Variants in LRBA observed in about 807,000 individuals in gnomAD.
The protein encoded by LRBA is LPS responsive beige-like anchor protein, also known as lipopolysaccharide-responsive and beige-like anchor protein.
In LRBA, 176 loss-of-function variants were observed where a neutral mutation model predicts 330.0. That is an observed-to-expected ratio of 0.53 (90% confidence interval 0.47 to 0.60). LRBA has a LOEUF of 0.60. LRBA is among the 20% of genes least tolerant of loss of function. The pLI is 0.00. For synonymous variants in LRBA, 1,230 were observed against 1,193.0 expected (o/e 1.03, Z -0.64); for missense variants, 3,259 against 3,444.8 (o/e 0.95, Z 1.35).
At chr4:150,448,250 CAA>C in intron 44 of LRBA, among the ~76,000 whole-genome samples, 1 of 152,184 alleles carries the variant, frequency 6.6e-6, no homozygotes, top group Admixed American at 6.5e-5. Flanking sequence ...AAAGTCGTGG[CAA>C]TTTCGGTACC....
chr4:150,881,641 C>A (rs1002681246), intron 17 of LRBA, among the ~76,000 whole-genome samples: 1 of 152,118 alleles, frequency 6.6e-6, no homozygotes, highest in Non-Finnish European at 1.5e-5. Context: ...TGTAACAAAC[C>A]TGCACATGTA....
At chr4:150,557,087 G>A (rs1320437687) in intron 40 of LRBA, among the ~76,000 whole-genome samples, 1 of 152,208 alleles carries the variant, frequency 6.6e-6, no homozygotes, top group East Asian at 1.9e-4. Flanking sequence ...CTGCAGAAGG[G>A]AAGCTACAAG....
intron 44 of LRBA, among the ~76,000 whole-genome samples, chr4:150,457,351 C>T (rs541062759): frequency 5.3e-5 from 8 of 152,034 alleles, no homozygotes; most frequent in Non-Finnish European, 8.8e-5. Flanking sequence ...CAATTTAACT[C>T]ACTTTTGTTT....
rs191790217 is a variant in LRBA at position 150,648,584 on chromosome 4, A to G, written c.5921+34967T>C. Among the ~76,000 whole-genome samples the G allele has an allele frequency of 2.8e-3, 421 of 151,248 alleles. 2 individuals carry two copies. Among genetic ancestry groups the G allele is most frequent in the African/African-American group, 7.1e-3 (293 of 41,350 alleles). On this transcript the variant is annotated intron_variant, in intron 37 of 56. Transcript: ENST00000651943. Reference sequence around the variant, plus strand: ...ACCCCACATTTCTAAATTACCCCAGAAAGGATAGAGTACTGCCTCTGATTG... The same window carrying G: ...ACCCCACATTTCTAAATTACCCCAGGAAGGATAGAGTACTGCCTCTGATTG...
At chr4:150,816,077 T>C (rs1462257601) in intron 31 of LRBA, among the ~76,000 whole-genome samples, 1 of 151,960 alleles carries the variant, frequency 6.6e-6, no homozygotes, top group East Asian at 1.9e-4. Context: ...AATTCCCAGC[T>C]ACTGGCCAGT....
chr4:150,607,575 T>G (rs1390389209), intron 37 of LRBA, among the ~76,000 whole-genome samples: 1 of 151,242 alleles, frequency 6.6e-6, no homozygotes, highest in Non-Finnish European at 1.5e-5. Flanking sequence ...AACACTGGAA[T>G]TGAAAGAGAA....
chr4:150,813,794 T>C (rs191419667), intron 31 of LRBA, among the ~76,000 whole-genome samples: 28 of 152,262 alleles, frequency 1.8e-4, no homozygotes, highest in Admixed American at 1.8e-3. Context: ...AGAAACTTCA[T>C]ATTTTCTATC....
At chr4:150,650,711 T>A (rs1292598655) in intron 37 of LRBA, among the ~76,000 whole-genome samples, 1 of 152,104 alleles carries the variant, frequency 6.6e-6, no homozygotes, top group African/African-American at 2.4e-5. Flanking sequence ...AAAATAAAAT[T>A]TATGTTGGTA....
chr4:150,889,699 G>T (rs1729282113), intron 17 of LRBA, among the ~76,000 whole-genome samples: 2 of 152,154 alleles, frequency 1.3e-5, no homozygotes, highest in South Asian at 4.1e-4. Flanking sequence ...TGGAAAAACT[G>T]TCTTCCACAA....
intron 28 of LRBA, among the ~76,000 whole-genome samples, 172 bp from the exon 29 acceptor site, chr4:150,832,148 G>A (rs935374978): frequency 5.3e-5 from 8 of 152,016 alleles, no homozygotes; most frequent in Non-Finnish European, 8.8e-5. Context: ...GCAAACATTA[G>A]GCAAAGACTC....
At chr4:150,665,201 A>T (rs1781460683) in intron 37 of LRBA, among the ~76,000 whole-genome samples, 1 of 152,166 alleles carries the variant, frequency 6.6e-6, no homozygotes, top group Admixed American at 6.5e-5. Flanking sequence ...CCTTATTTAG[A>T]GACTCAGCTC....
chr4:150,614,516 A>G (rs185640357), intron 37 of LRBA, among the ~76,000 whole-genome samples: 6 of 152,344 alleles, frequency 3.9e-5, no homozygotes, highest in Admixed American at 3.3e-4. Context: ...AAAATTGTCT[A>G]TGATACAAGG....
intron 40 of LRBA, among the ~76,000 whole-genome samples, chr4:150,557,996 C>A (rs902967640): frequency 6.6e-6 from 1 of 152,116 alleles, no homozygotes; most frequent in African/African-American, 2.4e-5. Context: ...CTCCCAGGTT[C>A]AAGTGATTCT....
At chr4:150,956,667 C>T (rs1737581546) in intron 2 of LRBA, among the ~76,000 whole-genome samples, 1 of 149,046 alleles carries the variant, frequency 6.7e-6, no homozygotes, top group Non-Finnish European at 1.5e-5. Flanking sequence ...CATATAAAAA[C>T]AGTTATACAC....
intron 24 of LRBA, among the ~76,000 whole-genome samples, chr4:150,850,213 CCTCCTGAGTAGCTGGGACT>C (rs1750446718): frequency 6.6e-6 from 1 of 151,830 alleles, no homozygotes; most frequent in Non-Finnish European, 1.5e-5. Flanking sequence ...CCTACCTCAG[CCTCCTGAGTAGCTGGGACT>C]ACAGACGCCC....
chr4:150,341,906 T>C (rs573891941), intron 48 of LRBA, among the ~76,000 whole-genome samples: 3 of 151,732 alleles, frequency 2.0e-5, no homozygotes, highest in East Asian at 3.9e-4. Flanking sequence ...TGGATAAGGA[T>C]ATAGAATTGT....
At chr4:150,372,155 T>A (rs547436812) in intron 47 of LRBA, among the ~76,000 whole-genome samples, 1 of 152,322 alleles carries the variant, frequency 6.6e-6, no homozygotes, top group Admixed American at 6.5e-5. Context: ...GTTCTTAAAT[T>A]ACAAAGATAA....
chr4:150,662,499 G>A (rs1372019127), intron 37 of LRBA, among the ~76,000 whole-genome samples: 2 of 152,188 alleles, frequency 1.3e-5, no homozygotes, highest in Admixed American at 1.3e-4. Flanking sequence ...CCAGGCAACG[G>A]AAATTTTTTA....
In LRBA at chr4:150,403,043, A is replaced by G. The variant is rs557523359; in HGVS notation, c.7194+12395T>C. Among the ~76,000 whole-genome samples, 5 of 152,358 alleles carry G rather than the reference A, an allele frequency of 3.3e-5. No homozygotes were observed. The East Asian group carries it at 7.7e-4, about 23-fold the overall frequency. On this transcript the variant is annotated intron_variant, in intron 47 of 56. Transcript: ENST00000651943. ...CCAGTTACCGGCAAATCAAACAGAC[A>G]TAAATACCACAGTAAGCAGTCATTT...
Sources: gnomAD v4.1 joint callset for allele counts (sites outside exome capture counted in the v4.1 genomes callset) on GRCh38, gnomAD v4.1.1 for gene constraint, MANE v1.5 for transcripts, NCBI Gene and HGNC (gene_info 2026-07-23, HGNC 2026-07-21) for gene names.